The following CIMIP1 variants were observed in gnomAD, a reference collection of about 807,000 sequenced individuals.
The protein encoded by CIMIP1 is ciliary microtubule inner protein 1.
the CIMIP1 span, chr20:58,155,543 G>A: frequency 5.0e-6 from 8 of 1,614,142 alleles, no homozygotes; most frequent in Non-Finnish European, 6.8e-6. Flanking sequence ...CATCCGGCCG[G>A]TGACCCCAGT....
the CIMIP1 span, among the ~76,000 whole-genome samples, chr20:58,156,869 CAGGGCAGGAGG>C: frequency 6.6e-6 from 1 of 151,816 alleles, no homozygotes; most frequent in East Asian, 1.9e-4. Context: ...ATGAAGGCCG[CAGGGCAGGAGG>C]AGTTCAGCTG....
chr20:58,153,438 T>G, the CIMIP1 span: 1 of 841,680 alleles, frequency 1.2e-6, no homozygotes, highest in Non-Finnish European at 2.0e-6. Flanking sequence ...CCGTCCCTGG[T>G]GCAGAACCAC....
the CIMIP1 span, among the ~76,000 whole-genome samples, chr20:58,159,522 GAA>G: frequency 0.034 from 5,020 of 147,766 alleles, 129 homozygotes; most frequent in Middle Eastern, 0.08. Context: ...CTAAAAAAAG[GAA>G]AAAAAAAAAA....
At chr20:58,160,809 A>G in the CIMIP1 span, 1 of 1,612,594 alleles carries the variant, frequency 6.2e-7, no homozygotes, top group Non-Finnish European at 8.5e-7. Context: ...TGGCCCAAGC[A>G]GGGCGTGCAC....
chr20:58,158,046 C>A, the CIMIP1 span, among the ~76,000 whole-genome samples: 4 of 152,214 alleles, frequency 2.6e-5, no homozygotes, highest in South Asian at 8.3e-4. Context: ...TTTCCCTCTG[C>A]CACCAGGGCC....
At chr20:58,160,788 G>T in the CIMIP1 span, 1 of 1,613,596 alleles carries the variant, frequency 6.2e-7, no homozygotes, top group Non-Finnish European at 8.5e-7. Flanking sequence ...GCTTTTGCAC[G>T]AGAGCTGTGC....
the CIMIP1 span, chr20:58,155,507 A>C: frequency 6.2e-7 from 1 of 1,614,136 alleles, no homozygotes; most frequent in Non-Finnish European, 8.5e-7. Context: ...CCCAAAGCCC[A>C]AAATCGAGCT....
the CIMIP1 span, chr20:58,155,569 G>T: frequency 3.6e-5 from 58 of 1,610,478 alleles, no homozygotes; most frequent in African/African-American, 5.4e-5. Context: ...AGTACATCAA[G>T]GTTTGAAACG....
the CIMIP1 span, among the ~76,000 whole-genome samples, chr20:58,153,965 A>G: frequency 5.3e-5 from 8 of 152,190 alleles, no homozygotes; most frequent in Admixed American, 5.2e-4. Context: ...GGTGAGAAGC[A>G]GGTGGGTCTG....
the CIMIP1 span, chr20:58,151,086 C>A: frequency 6.7e-7 from 1 of 1,495,656 alleles, no homozygotes; most frequent in Non-Finnish European, 9.2e-7. Flanking sequence ...CTGAAGTGTC[C>A]ACATCTGGGG....
chr20:58,159,238 G>A, the CIMIP1 span, among the ~76,000 whole-genome samples: 4 of 141,766 alleles, frequency 2.8e-5, no homozygotes, highest in South Asian at 8.8e-4. Flanking sequence ...TTGCCAGGCT[G>A]GGCATGATGG....
chr20:58,155,680 T>C, the CIMIP1 span: 1 of 866,182 alleles, frequency 1.2e-6, no homozygotes, highest in African/African-American at 1.7e-5. Context: ...GCACTGAAGG[T>C]AAGAGCACAG....
At chr20:58,153,873 G>GTGT in the CIMIP1 span, among the ~76,000 whole-genome samples, 1 of 152,238 alleles carries the variant, frequency 6.6e-6, no homozygotes, top group African/African-American at 2.4e-5. Context: ...GCAGAGACAG[G>GTGT]TGTTGTTTTA....
At chr20:58,159,286 C>A in the CIMIP1 span, among the ~76,000 whole-genome samples, 6 of 143,276 alleles carry the variant, frequency 4.2e-5, no homozygotes, top group Admixed American at 4.4e-4. Flanking sequence ...GAAGCCAAGG[C>A]AGGTGGATCA....
the CIMIP1 span, chr20:58,160,928 TG>T: frequency 1.6e-6 from 2 of 1,253,158 alleles, no homozygotes; most frequent in African/African-American, 3.0e-5. Flanking sequence ...CACAGTCCCC[TG>T]CGTACTTGCT....
At chr20:58,152,386 C>A in the CIMIP1 span, among the ~76,000 whole-genome samples, 1 of 151,532 alleles carries the variant, frequency 6.6e-6, no homozygotes, top group Non-Finnish European at 1.5e-5. Context: ...TTGGGTTCAG[C>A]CGTTAAGTGT....
the CIMIP1 span, among the ~76,000 whole-genome samples, chr20:58,152,722 CAAAAAA>C: frequency 3.5e-5 from 3 of 84,886 alleles, no homozygotes; most frequent in African/African-American, 8.4e-5. Flanking sequence ...GAAACTCCAT[CAAAAAA>C]AAAAAAAAAA....
At chr20:58,160,653 C>T in the CIMIP1 span, 1 of 1,611,556 alleles carries the variant, frequency 6.2e-7, no homozygotes, top group Non-Finnish European at 8.5e-7. Context: ...CCTGTATTTC[C>T]ATTCCAGGTC....
chr20:58,153,180 G>A, the CIMIP1 span, among the ~76,000 whole-genome samples: 2 of 152,190 alleles, frequency 1.3e-5, no homozygotes, highest in Non-Finnish European at 2.9e-5. Flanking sequence ...GCACTTGCAG[G>A]AAGCAGGGAG....
Sources: gnomAD v4.1 joint callset for allele counts (sites outside exome capture counted in the v4.1 genomes callset) on GRCh38, gnomAD v4.1.1 for gene constraint, MANE v1.5 for transcripts, NCBI Gene and HGNC (gene_info 2026-07-23, HGNC 2026-07-21) for gene names.